EPHB4: variants seen among roughly 807,000 people sequenced by gnomAD.
EPHB4 encodes ephrin type-B receptor 4.
EPHB4 carries 50 observed loss-of-function variants against 110.6 expected under a neutral mutation model. The ratio of observed to expected loss-of-function variants is 0.45; its 90% CI spans 0.36 to 0.57. The LOEUF (loss-of-function observed/expected upper bound fraction) is 0.57, where lower values mean the gene tolerates loss of function less well. EPHB4 is among the 20% of genes least tolerant of loss of function. EPHB4 has a pLI of 0.00. For missense variants in EPHB4, 1,128 were observed against 1,382.1 expected, an observed-to-expected ratio of 0.82 and a Z score of 2.91; for synonymous variants, 592 against 578.4, an observed-to-expected ratio of 1.02 and a Z score of -0.34.
intron 7 of EPHB4, among the ~76,000 whole-genome samples, chr7:100,817,927 C>T (rs557274309): frequency 1.0e-4 from 12 of 116,024 alleles, no homozygotes; most frequent in African/African-American, 3.2e-4. Flanking sequence ...ACTGCAGTGG[C>T]GCTATCTCGG....
chr7:100,819,995 T>C, intron 5 of EPHB4, 106 bp from the exon 6 acceptor site: 1 of 1,467,202 alleles, frequency 6.8e-7, no homozygotes, highest in Non-Finnish European at 9.1e-7. Context: ...TTGGAGACAG[T>C]GGGCTCCACA....
chr7:100,826,957 C>G (rs1333455758), intron 1 of EPHB4, 22 bp downstream of exon 1: 2 of 1,538,576 alleles, frequency 1.3e-6, no homozygotes, highest in African/African-American at 1.4e-5. Context: ...CGGGGTGCGC[C>G]CCCCCCCGCA....
intron 14 of EPHB4, chr7:100,806,162 G>A: frequency 3.4e-6 from 1 of 294,340 alleles, no homozygotes; most frequent in Non-Finnish European, 6.2e-6. Flanking sequence ...GTTTCACCAT[G>A]TTGGCCAGGC....
chr7:100,810,283 T>C, intron 12 of EPHB4, among the ~76,000 whole-genome samples: 1 of 151,654 alleles, frequency 6.6e-6, no homozygotes, highest in East Asian at 1.9e-4. Context: ...AAACCCCACA[T>C]CAGATAGAGC....
intron 1 of EPHB4, 156 bp downstream of exon 1, chr7:100,826,822 GC>G (rs1813410897): frequency 2.9e-6 from 2 of 700,080 alleles, no homozygotes; most frequent in Non-Finnish European, 4.2e-6. Flanking sequence ...CCTCTTCCCC[GC>G]CCCCCTCCCG....
intron 12 of EPHB4, among the ~76,000 whole-genome samples, chr7:100,808,755 A>T (rs1183710966): frequency 6.6e-6 from 1 of 152,214 alleles, no homozygotes; most frequent in Non-Finnish European, 1.5e-5. Flanking sequence ...GGGTTCCGCT[A>T]AGATTTGGCA....
At position 100,805,282 on chromosome 7, in the gene EPHB4, G is replaced by C. The variant is rs370570826; in HGVS notation, c.2718C>G (p.Tyr906Ter). The change falls in exon 16 of 17, where the codon TAC becomes TAG. Residue 906 changes from tyrosine (Y) to a stop codon, truncating the protein, a stop_gained. Transcript: ENST00000358173. LOFTEE classifies it high-confidence loss of function. ...ACTCGCCCACAGAGCCAAAAGCTGA[G>C]TAGTGAGGCTGCCGCTGGTCCAGGA... ...HPLLDQRQPH[Y>*]SAFGSVGEWL... 8 of 1,613,676 alleles carry C rather than the reference G, an allele frequency of 5.0e-6. No individual in the cohort carries two copies.
chr7:100,823,474 C>T (rs1248335342), intron 3 of EPHB4, among the ~76,000 whole-genome samples, 170 bp downstream of exon 3: 1 of 152,128 alleles, frequency 6.6e-6, no homozygotes, highest in African/African-American at 2.4e-5. Flanking sequence ...ATATTCTGCT[C>T]CTCCGCCCAG....
intron 3 of EPHB4, 99 bp downstream of exon 3, chr7:100,823,545 C>A: frequency 2.0e-6 from 3 of 1,480,120 alleles, no homozygotes; most frequent in African/African-American, 1.4e-5. Context: ...AGCGCGCGGG[C>A]CAGAGGCCTC....
In EPHB4 at chr7:100,805,812, T is replaced by C. The variant is rs1440124162; in HGVS notation, c.2485-118A>G. The C allele has an allele frequency of 3.9e-6, 4 of 1,023,504 alleles. No individual in the cohort carries two copies. The East Asian group carries it at 1.2e-4, about 30-fold the overall frequency. 63.4% of individuals were successfully genotyped at this position (1,023,504 alleles called of 1,614,324 possible). A position where few individuals can be genotyped will look rare whatever the true frequency, so the allele number is the denominator to read the frequency against. On this transcript the variant is annotated intron_variant, in intron 14 of 16. Transcript: ENST00000358173. The stretch of plus-strand genomic sequence containing the variant: ...ATAGGAGCCACAGCCCCCCAAAAAA[T>C]AACAGATCCAGGAATCCTCCTAGCC...
intron 8 of EPHB4, 23 bp from the exon 9 acceptor site, chr7:100,814,044 T>G (rs372052364): frequency 1.2e-6 from 2 of 1,612,502 alleles, no homozygotes; most frequent in Non-Finnish European, 1.7e-6. Context: ...AGGCTGCTGA[T>G]CAGGAGAAAC....
chr7:100,822,470 G>C lies in EPHB4; in HGVS notation c.609C>G (p.Asn203Lys). 6.2e-7 allele frequency: 1 copy of C among 1,610,862 alleles called. No individual in the cohort carries two copies. The highest frequency in any genetic ancestry group is 8.5e-7 in the Non-Finnish European group (1 of 1,177,886). ...FYKKCAQLTV[N>K]LTRFPETVPR... ...GCACAGTCTCCGGGAATCGAGTCAG[G>C]TTCACAGTCAGCTGGGCGCACTTTT... Residue 203 changes from asparagine (N) to lysine (K), a missense_variant, in exon 4 of 17, where the codon AAC (asparagine) becomes AAG (lysine). Coordinates refer to ENST00000358173, the MANE Select transcript of EPHB4 (RefSeq NM_004444.5). The surrounding 1 kb of genome is among the most constrained non-coding windows in gnomAD (Gnocchi z 4.7).
At chr7:100,817,167 C>A (rs749924949) in intron 8 of EPHB4, 25 bp downstream of exon 8, 2 of 1,503,044 alleles carry the variant, frequency 1.3e-6, no homozygotes, top group African/African-American at 1.4e-5. Flanking sequence ...CCAACCCCCA[C>A]CCTCACCCCC....
intron 8 of EPHB4, among the ~76,000 whole-genome samples, chr7:100,816,458 C>G (rs887849295): frequency 1.3e-5 from 2 of 151,744 alleles, no homozygotes; most frequent in East Asian, 4.0e-4. Flanking sequence ...CTCAGCCTCC[C>G]GAGTAGCTGG....
chr7:100,825,855 G>T (rs1483757992), intron 1 of EPHB4, among the ~76,000 whole-genome samples: 2 of 152,122 alleles, frequency 1.3e-5, no homozygotes, highest in African/African-American at 2.4e-5. Context: ...CGTCCTCGTG[G>T]TTTTTCCACC....
chr7:100,813,727 T>C lies in EPHB4; in HGVS notation c.1692-11A>G, dbSNP rs772921249. On this transcript the variant is annotated splice_polypyrimidine_tract_variant and intron_variant, in intron 9 of 16. Coordinates refer to ENST00000358173, the MANE Select transcript of EPHB4 (RefSeq NM_004444.5). ...CCATTGCTCTGCTTCCTGTAGCCGATGGGAAAGGAACAAAAGGTAAACTGA... is the reference window on the plus strand; with the variant it reads ...CCATTGCTCTGCTTCCTGTAGCCGACGGGAAAGGAACAAAAGGTAAACTGA... 125 of 1,613,864 alleles carry C rather than the reference T, an allele frequency of 7.7e-5. 2 individuals carry two copies. In the South Asian group the frequency reaches 1.4e-3, roughly 17 times the overall value.
In EPHB4 at chr7:100,817,308, C is replaced by A; in HGVS notation, c.1472G>T (p.Arg491Leu). ...CCGCTTCAGCCCCCGCAGCTCTGCCCGGTTTTCTGACGTCTTCAGGAACCG... is the reference window on the plus strand; with the variant it reads ...CCGCTTCAGCCCCCGCAGCTCTGCCAGGTTTTCTGACGTCTTCAGGAACCG... The part of the protein sequence containing the change: ...SVRFLKTSEN[R>L]AELRGLKRGA... Residue 491 changes from arginine (R) to leucine (L), a missense_variant, in exon 8 of 17, where the codon CGG becomes CTG. Physicochemically the swap from Arg to Leu is moderately radical, Grantham distance 102. This residue lies in a region of EPHB4 where 728 missense variants were observed against 828.6 expected (regional missense o/e 0.88). Transcript: ENST00000358173. 1 of 1,591,230 alleles carries A rather than the reference C, an allele frequency of 6.3e-7. No individual in the cohort carries two copies. Among genetic ancestry groups the A allele is most frequent in the Non-Finnish European group, 8.5e-7 (1 of 1,169,890 alleles).
rs373446670 is a variant in EPHB4, at chr7:100,803,579, C to T, written c.2846G>A (p.Arg949Gln). 3.7e-6 allele frequency: 6 copies of T among 1,603,618 alleles called. No individual in the cohort carries two copies. The highest frequency in any genetic ancestry group is 2.7e-5 in the African/African-American group (2 of 74,826). Reference sequence around the variant, plus strand: ...GTGTCCCGCCAGAGTGACTCCGATTCGGAGCAGGTCCCTGCAGAAGGAAAG... The same window carrying T: ...GTGTCCCGCCAGAGTGACTCCGATTTGGAGCAGGTCCCTGCAGAAGGAAAG... ...VSQISAEDLL[R>Q]IGVTLAGHQK... The change falls in exon 17 of 17, where the codon CGA (arginine) becomes CAA (glutamine). Residue 949 changes from arginine (R) to glutamine (Q), a missense_variant. Coordinates refer to ENST00000358173, the MANE Select transcript of EPHB4 (RefSeq NM_004444.5).
At position 100,817,256 on chromosome 7, in the gene EPHB4, C is replaced by T. The variant is rs1396787386; in HGVS notation, c.1524G>A (p.Arg508=). The change falls in exon 8 of 17, where the codon CGG becomes CGA. Residue 508 remains arginine, a synonymous_variant. Coordinates refer to ENST00000358173, the MANE Select transcript of EPHB4 (RefSeq NM_004444.5). The part of the protein sequence containing the change: ...KRGASYLVQV[R]ARSEAGYGPF... The stretch of plus-strand genomic sequence containing the variant: ...GCCCGTAGCCGGCCTCAGAGCGCGC[C>T]CGTACCTGCACCAGGTAGCTGGCTC... The T allele has an allele frequency of 6.2e-7, 1 of 1,607,636 alleles. No individual in the cohort carries two copies. The highest frequency in any genetic ancestry group is 8.5e-7 in the Non-Finnish European group (1 of 1,177,752).
Sources: gnomAD v4.1 joint callset for allele counts (sites outside exome capture counted in the v4.1 genomes callset) on GRCh38, gnomAD v4.1.1 for gene constraint, gnomAD v4.1.1 regional missense constraint, Gnocchi (gnomAD v3.1) non-coding constraint, MANE v1.5 for transcripts, NCBI Gene and HGNC (gene_info 2026-07-23, HGNC 2026-07-21) for gene names.